The following GALNT2 variants were observed in gnomAD, a reference collection of about 807,000 sequenced individuals.
GALNT2 encodes the protein polypeptide N-acetylgalactosaminyltransferase 2, also known as UDP-GalNAc:polypeptide N-acetylgalactosaminyltransferase 2.
In GALNT2, 31 loss-of-function variants were observed where a neutral mutation model predicts 81.4. That is an observed-to-expected ratio of 0.38 (90% CI 0.29 to 0.51). GALNT2 has a LOEUF of 0.51. Among genes scored for constraint, GALNT2 ranks in the 20% least tolerant of loss-of-function variants. The pLI is 0.87. For missense variants in GALNT2, 629 were observed against 765.7 expected (o/e 0.82, Z 2.11); for synonymous variants, 303 against 287.4 (o/e 1.05, Z -0.55).
chr1:230,217,713 A>G (rs1333047425), intron 3 of GALNT2, among the ~76,000 whole-genome samples: 1 of 152,236 alleles, frequency 6.6e-6, no homozygotes, highest in African/African-American at 2.4e-5. Context: ...GATGGCGCCA[A>G]GAACAGTGGA....
At chr1:230,120,248 T>C (rs1266969970) in intron 1 of GALNT2, among the ~76,000 whole-genome samples, 2 of 151,664 alleles carry the variant, frequency 1.3e-5, no homozygotes, top group Non-Finnish European at 2.9e-5. Flanking sequence ...GGTTACATAG[T>C]AACAGTGTTA....
chr1:230,249,270 A>G lies in GALNT2; in HGVS notation c.904A>G (p.Lys302Glu), dbSNP rs1665469806. The G allele has an allele frequency of 1.2e-6, 2 of 1,613,700 alleles. No homozygotes were observed. Among genetic ancestry groups the G allele is most frequent in the African/African-American group, 2.7e-5 (2 of 74,886 alleles). Residue 302 changes from lysine to glutamate, a missense_variant and splice_region_variant, in exon 9 of 16, where the codon AAA (lysine) becomes GAA (glutamate). This residue lies in a region of GALNT2 where 360 missense variants were observed against 492.8 expected (regional missense o/e 0.73). Coordinates refer to ENST00000366672, the MANE Select transcript of GALNT2 (RefSeq NM_004481.5). Reference sequence around the variant, plus strand: ...GCAGGGGAACCCAGTCGCCCCTATAAAGTAAGTGCCAGCATCCTTCAGGGT... The same window carrying G: ...GCAGGGGAACCCAGTCGCCCCTATAGAGTAAGTGCCAGCATCCTTCAGGGT... ...SRQGNPVAPI[K>E]TPMIAGGLFV...
At chr1:230,234,188 A>C (rs1435777886) in intron 3 of GALNT2, among the ~76,000 whole-genome samples, 1 of 152,128 alleles carries the variant, frequency 6.6e-6, no homozygotes, top group Non-Finnish European at 1.5e-5. Context: ...AGGGGGTCCA[A>C]GACAATTGCA....
intron 1 of GALNT2, among the ~76,000 whole-genome samples, chr1:230,124,315 G>A (rs1216202072): frequency 3.9e-5 from 6 of 152,180 alleles, no homozygotes; most frequent in Non-Finnish European, 5.9e-5. Context: ...TTGTGTGCTG[G>A]TGTGTTGCAA....
chr1:230,073,943 G>C (rs1659450494), intron 1 of GALNT2, among the ~76,000 whole-genome samples: 1 of 152,134 alleles, frequency 6.6e-6, no homozygotes, highest in Admixed American at 6.5e-5. Flanking sequence ...CTAACTCTTA[G>C]GGAAGAGGAA....
intron 1 of GALNT2, among the ~76,000 whole-genome samples, chr1:230,153,936 A>G (rs928300858): frequency 6.6e-6 from 1 of 152,188 alleles, no homozygotes; most frequent in African/African-American, 2.4e-5. Flanking sequence ...GCCTCTTACA[A>G]ACTCTCATGC....
intron 1 of GALNT2, among the ~76,000 whole-genome samples, chr1:230,080,551 T>C (rs1314966275): frequency 6.6e-6 from 1 of 152,172 alleles, no homozygotes; most frequent in East Asian, 1.9e-4. Flanking sequence ...TTTGCCTGTT[T>C]CTGGCCCTAG....
rs933878747 is a variant in GALNT2 at position 230,279,520 on chromosome 1, A to C, written c.*62A>C. The C allele has an allele frequency of 9.0e-6, 14 of 1,550,698 alleles. No individual in the cohort carries two copies. In the African/African-American group the frequency reaches 1.5e-4, roughly 17 times the overall value. Reference sequence around the variant, plus strand: ...CCATTGGGTGGAGTCTGGTGATCACATTATTGATTATGTTTCTTAAACTTT... The same window carrying C: ...CCATTGGGTGGAGTCTGGTGATCACCTTATTGATTATGTTTCTTAAACTTT... On this transcript the variant is annotated 3_prime_UTR_variant, in exon 16 of 16. Coordinates refer to ENST00000366672, the MANE Select transcript of GALNT2 (RefSeq NM_004481.5). This position sits in a 1 kb window ranked among gnomAD's most constrained non-coding sequence, Gnocchi z 4.6.
chr1:230,067,455 C>T, intron 1 of GALNT2, 49 bp downstream of exon 1: 1 of 729,746 alleles, frequency 1.4e-6, no homozygotes, highest in Non-Finnish European at 1.8e-6. Flanking sequence ...CACCCCCCAC[C>T]CTGCGCCCCT....
chr1:230,251,735 C>T (rs540077795), intron 10 of GALNT2, among the ~76,000 whole-genome samples: 2 of 152,252 alleles, frequency 1.3e-5, no homozygotes, highest in South Asian at 4.2e-4. Flanking sequence ...CCAGGGTCGC[C>T]CAGTAGGGCA....
intron 1 of GALNT2, among the ~76,000 whole-genome samples, chr1:230,069,820 C>G (rs1032311195): frequency 3.3e-5 from 5 of 152,122 alleles, no homozygotes; most frequent in African/African-American, 1.2e-4. Flanking sequence ...GATAAGTGGA[C>G]CTATATTTTT....
chr1:230,164,416 G>A (rs1662535058), intron 1 of GALNT2, among the ~76,000 whole-genome samples: 1 of 152,232 alleles, frequency 6.6e-6, no homozygotes, highest in Admixed American at 6.5e-5. Context: ...CTTGGAGAAA[G>A]CAAAGATTCA....
At chr1:230,120,478 C>T (rs1660981832) in intron 1 of GALNT2, among the ~76,000 whole-genome samples, 1 of 152,080 alleles carries the variant, frequency 6.6e-6, no homozygotes, top group South Asian at 2.1e-4. Context: ...CTTGGTACCT[C>T]CACACATCCC....
chr1:230,227,531 A>C (rs1664751112), intron 3 of GALNT2, among the ~76,000 whole-genome samples: 1 of 147,442 alleles, frequency 6.8e-6, no homozygotes, highest in Non-Finnish European at 1.5e-5. Flanking sequence ...TATATAATAC[A>C]GCTATATATA....
At chr1:230,196,188 C>G (rs545740552) in intron 2 of GALNT2, among the ~76,000 whole-genome samples, 1 of 152,226 alleles carries the variant, frequency 6.6e-6, no homozygotes, top group Non-Finnish European at 1.5e-5. Context: ...TGCCTGCCGT[C>G]CCTCCCTACT....
chr1:230,262,701 G>GT, intron 12 of GALNT2, 36 bp downstream of exon 12: 1 of 855,408 alleles, frequency 1.2e-6, no homozygotes, highest in Non-Finnish European at 1.9e-6. Flanking sequence ...AATTACTGGG[G>GT]ATTCTTGGGG....
intron 1 of GALNT2, among the ~76,000 whole-genome samples, chr1:230,169,905 G>A (rs1255121550): frequency 2.0e-5 from 3 of 152,310 alleles, no homozygotes; most frequent in East Asian, 3.9e-4. Context: ...AACTAAGTTG[G>A]AGCAGTGAAA....
chr1:230,140,986 A>G (rs991365006), intron 1 of GALNT2, among the ~76,000 whole-genome samples: 39 of 152,248 alleles, frequency 2.6e-4, no homozygotes, highest in African/African-American at 9.2e-4. Context: ...GTCATCATTG[A>G]AAAATTCCAG....
At chr1:230,154,371 A>G (rs7551742) in intron 1 of GALNT2, among the ~76,000 whole-genome samples, 119,271 of 152,118 alleles carry the variant, frequency 0.78, 47,321 homozygotes, top group African/African-American at 0.81. Context: ...TGCCGTTGGT[A>G]TTTTTAAGAA....
Sources: gnomAD v4.1 joint callset for allele counts (sites outside exome capture counted in the v4.1 genomes callset) on GRCh38, gnomAD v4.1.1 for gene constraint, gnomAD v4.1.1 regional missense constraint, Gnocchi (gnomAD v3.1) non-coding constraint, MANE v1.5 for transcripts, NCBI Gene and HGNC (gene_info 2026-07-23, HGNC 2026-07-21) for gene names.